Variants in GABRB1 observed in about 807,000 individuals in gnomAD.
GABRB1 encodes gamma-aminobutyric acid type A receptor subunit beta1.
A neutral mutation model predicts 51.6 loss-of-function variants in GABRB1; 17 were observed. The ratio of observed to expected loss-of-function variants is 0.33; its 90% CI spans 0.23 to 0.49. GABRB1 has a LOEUF of 0.49. GABRB1 is among the 20% of genes least tolerant of loss of function. The probability of loss-of-function intolerance (pLI) is 0.99; values close to 1 mark genes in which losing one functional copy is unlikely to be tolerated. For synonymous variants in GABRB1, 247 were observed against 218.9 expected (o/e 1.13, Z -1.14); for missense variants, 410 against 600.6 (o/e 0.68, Z 3.32).
chr4:47,183,388 A>G (rs1273006301), intron 4 of GABRB1, among the ~76,000 whole-genome samples: 1 of 140,912 alleles, frequency 7.1e-6, no homozygotes, highest in Non-Finnish European at 1.5e-5. Flanking sequence ...ATATTCCACC[A>G]CTCATATAAA....
intron 5 of GABRB1, among the ~76,000 whole-genome samples, chr4:47,375,868 T>C (rs1267136791): frequency 6.6e-6 from 1 of 152,082 alleles, no homozygotes; most frequent in African/African-American, 2.4e-5. Flanking sequence ...CTCCCAAAGG[T>C]GACTGGGCGG....
At chr4:47,007,895 A>ATATATATATATATAG (rs375965914) in intron 1 of GABRB1, among the ~76,000 whole-genome samples, 10 of 17,524 alleles carry the variant, frequency 5.7e-4, no homozygotes, top group Non-Finnish European at 1.6e-3. Flanking sequence ...TATATATATA[A>ATATATATATATATAG]AATCAAGTTT....
intron 4 of GABRB1, among the ~76,000 whole-genome samples, chr4:47,189,299 C>T (rs1719329441): frequency 1.3e-5 from 2 of 151,710 alleles, no homozygotes; most frequent in Non-Finnish European, 2.9e-5. Flanking sequence ...AAGTGGGTTC[C>T]TTATACATAA....
chr4:47,227,076 C>A (rs551456165), intron 4 of GABRB1, among the ~76,000 whole-genome samples: 1 of 152,216 alleles, frequency 6.6e-6, no homozygotes, highest in South Asian at 2.1e-4. Context: ...GTTTATTATT[C>A]AACATCAAGT....
chr4:47,426,081 T>C lies in GABRB1; in HGVS notation c.*63T>C. The C allele has an allele frequency of 7.6e-7, 1 of 1,323,044 alleles. No homozygotes were observed. The highest frequency in any genetic ancestry group is 1.0e-6 in the Non-Finnish European group (1 of 967,306). 82.0% of individuals were successfully genotyped at this position (1,323,044 alleles called of 1,614,324 possible). ...TTCTATTGTTTTTTAACCTTACAGGTCCCCAACAGCGATACTGCTGTTTCT... is the reference window on the plus strand; with the variant it reads ...TTCTATTGTTTTTTAACCTTACAGGCCCCCAACAGCGATACTGCTGTTTCT... On this transcript the variant is annotated 3_prime_UTR_variant, in exon 9 of 9. Transcript: ENST00000295454.
chr4:47,332,792 G>T (rs1725534207), intron 5 of GABRB1, among the ~76,000 whole-genome samples: 1 of 151,834 alleles, frequency 6.6e-6, no homozygotes, highest in Non-Finnish European at 1.5e-5. Flanking sequence ...TAAATAAAAA[G>T]CAGAATAGAA....
At chr4:47,396,148 A>T (rs1032521798) in intron 5 of GABRB1, among the ~76,000 whole-genome samples, 1 of 152,200 alleles carries the variant, frequency 6.6e-6, no homozygotes, top group African/African-American at 2.4e-5. Flanking sequence ...TGGCCAGGAA[A>T]GCCTCACAAC....
intron 4 of GABRB1, among the ~76,000 whole-genome samples, chr4:47,193,909 C>T (rs1018638372): frequency 4.0e-5 from 6 of 151,894 alleles, no homozygotes; most frequent in South Asian, 2.1e-4. Flanking sequence ...TTTTTATGAC[C>T]GAGAAAAGGG....
At chr4:47,381,930 T>C in intron 5 of GABRB1, among the ~76,000 whole-genome samples, 1 of 152,214 alleles carries the variant, frequency 6.6e-6, no homozygotes, top group South Asian at 2.1e-4. Flanking sequence ...GATTGTCAGA[T>C]GCGAATTTCC....
intron 4 of GABRB1, among the ~76,000 whole-genome samples, chr4:47,191,869 A>C (rs2109784316): frequency 6.6e-6 from 1 of 152,242 alleles, no homozygotes; most frequent in South Asian, 2.1e-4. Context: ...GAAAAACTAA[A>C]CTCTTGTAAT....
At chr4:46,999,567 T>C (rs992691825) in intron 1 of GABRB1, among the ~76,000 whole-genome samples, 1 of 152,104 alleles carries the variant, frequency 6.6e-6, no homozygotes, top group Non-Finnish European at 1.5e-5. Context: ...ATAAGATATA[T>C]GTTTCAATAT....
At chr4:47,025,728 TC>T (rs1049603316) in intron 1 of GABRB1, among the ~76,000 whole-genome samples, 4 of 151,922 alleles carry the variant, frequency 2.6e-5, no homozygotes, top group African/African-American at 9.7e-5. Context: ...CCCAAACAAA[TC>T]CCCAGATTTC....
At chr4:47,243,098 A>C (rs951367633) in intron 4 of GABRB1, among the ~76,000 whole-genome samples, 4 of 152,166 alleles carry the variant, frequency 2.6e-5, no homozygotes, top group Admixed American at 6.5e-5. Context: ...TCAGCTTTCT[A>C]CATATGGCTA....
intron 4 of GABRB1, among the ~76,000 whole-genome samples, chr4:47,315,919 A>G (rs1248313176): frequency 6.6e-6 from 1 of 151,830 alleles, no homozygotes; most frequent in Non-Finnish European, 1.5e-5. Context: ...GAGGATCGAA[A>G]AACTACCTAT....
At chr4:47,114,587 G>A (rs1001632925) in intron 3 of GABRB1, among the ~76,000 whole-genome samples, 9 of 152,102 alleles carry the variant, frequency 5.9e-5, no homozygotes, top group Non-Finnish European at 1.3e-4. Flanking sequence ...CAGATATTTG[G>A]CATGTGACTT....
At chr4:47,190,357 T>G (rs1415832364) in intron 4 of GABRB1, among the ~76,000 whole-genome samples, 1 of 152,166 alleles carries the variant, frequency 6.6e-6, no homozygotes, top group African/African-American at 2.4e-5. Context: ...AATTGTTGGT[T>G]AATTTGTAAT....
intron 4 of GABRB1, among the ~76,000 whole-genome samples, chr4:47,172,337 A>G (rs1358563406): frequency 6.6e-6 from 1 of 152,170 alleles, no homozygotes; most frequent in East Asian, 1.9e-4. Flanking sequence ...CAGTAAGCTT[A>G]ATATTGCTTT....
chr4:47,183,883 T>G (rs1272984505), intron 4 of GABRB1, among the ~76,000 whole-genome samples: 3 of 151,908 alleles, frequency 2.0e-5, no homozygotes, highest in African/African-American at 7.2e-5. Context: ...GTCAAAAACA[T>G]GCTGGAAAGT....
At chr4:46,997,414 A>G (rs1169884241) in intron 1 of GABRB1, among the ~76,000 whole-genome samples, 3 of 150,028 alleles carry the variant, frequency 2.0e-5, no homozygotes, top group Admixed American at 2.0e-4. Flanking sequence ...TATTATACAT[A>G]ACATATTATT....
Sources: allele counts gnomAD v4.1 joint callset (sites outside exome capture counted in the v4.1 genomes callset), GRCh38; gene constraint gnomAD v4.1.1; transcripts MANE v1.5; gene names NCBI Gene and HGNC (gene_info 2026-07-23, HGNC 2026-07-21).